The following RC3H2 variants were observed in gnomAD, a reference collection of about 807,000 sequenced individuals.
RC3H2 encodes the protein roquin-2.
In RC3H2, 31 loss-of-function variants were observed where a neutral mutation model predicts 133.3. That is an observed-to-expected ratio of 0.23 (90% CI 0.17 to 0.31). RC3H2 has a LOEUF of 0.31. Ranked by LOEUF, RC3H2 falls within the 10% of genes least tolerant of loss-of-function variation. The pLI is 1.00. For missense variants in RC3H2, 1,175 were observed against 1,437.2 expected, an observed-to-expected ratio of 0.82 and a Z score of 2.95; for synonymous variants, 517 against 502.2, an observed-to-expected ratio of 1.03 and a Z score of -0.40.
At chr9:122,892,660 G>A (rs754002917) in intron 3 of RC3H2, among the ~76,000 whole-genome samples, 3 of 152,088 alleles carry the variant, frequency 2.0e-5, no homozygotes, top group South Asian at 2.1e-4. Context: ...ATCCGCCCGC[G>A]CTGGCCTCCC....
chr9:122,846,098 T>C lies in RC3H2; in HGVS notation c.*3529A>G, dbSNP rs1175926796. The C allele has an allele frequency of 6.6e-6, 1 of 152,212 alleles. No individual in the cohort carries two copies. The highest frequency in any genetic ancestry group is 2.4e-5 in the African/African-American group (1 of 41,456). 9.4% of individuals were successfully genotyped at this position (152,212 alleles called of 1,614,324 possible). ...ATGGTTTTTAAAATAATTTTTCAAA[T>C]GTTTAAATGATCCCATTTGAAATTC... On this transcript the variant is annotated 3_prime_UTR_variant, in exon 21 of 21. Coordinates refer to ENST00000357244, the MANE Select transcript of RC3H2 (RefSeq NM_001100588.3).
In RC3H2 at chr9:122,905,329, C is replaced by T. The variant is rs1564328445; in HGVS notation, c.-287G>A. The T allele has an allele frequency of 1.0e-6, 1 of 977,528 alleles. No individual in the cohort carries two copies. Among genetic ancestry groups the T allele is most frequent in the Non-Finnish European group, 1.2e-6 (1 of 822,530 alleles). The allele number at this position is 977,528 out of a possible 1,614,324, so 60.6% of individuals were successfully genotyped here. A position where few individuals can be genotyped will look rare whatever the true frequency, so the allele number is the denominator to read the frequency against. On this transcript the variant is annotated 5_prime_UTR_variant, in exon 1 of 21. Coordinates refer to ENST00000357244, the MANE Select transcript of RC3H2 (RefSeq NM_001100588.3). ...CCACCTCCGCCTCCTCCTCCTCCTC[C>T]TCCTCACCACGGAGGCGGACCTGGA...
chr9:122,857,837 C>T (rs1178781025), intron 13 of RC3H2, 86 bp downstream of exon 13: 9 of 1,200,474 alleles, frequency 7.5e-6, no homozygotes, highest in East Asian at 4.7e-5. Flanking sequence ...AAATATCCAA[C>T]ATAGCTATTC....
At chr9:122,852,706 G>A (rs1195763191) in intron 18 of RC3H2, among the ~76,000 whole-genome samples, 1 of 149,958 alleles carries the variant, frequency 6.7e-6, no homozygotes, top group Admixed American at 6.6e-5. Flanking sequence ...CGCCCCTACT[G>A]GGAAGTGAGG....
rs1302412027 is a variant in RC3H2, at chr9:122,851,382, C to G, written c.3172G>C (p.Glu1058Gln). Residue 1058 changes from glutamate (E) to glutamine (Q), a missense_variant, in exon 19 of 21, where the codon GAG becomes CAG. Physicochemically the swap from Glu to Gln is conservative, Grantham distance 29. Coordinates refer to ENST00000357244, the MANE Select transcript of RC3H2 (RefSeq NM_001100588.3). ...ATDTKPDRDI[E>Q]LELSALDTDE... is the part of the protein sequence containing the mutation. ...GTATCAAGTGCTGAAAGCTCTAACT[C>G]GATATCCCTATCAGGTTTAGTATCT... 1 of 1,614,174 alleles carries G rather than the reference C, an allele frequency of 6.2e-7. No individual in the cohort carries two copies. Among genetic ancestry groups the G allele is most frequent in the Non-Finnish European group, 8.5e-7 (1 of 1,180,020 alleles).
chr9:122,851,273 T>A (rs375489482), intron 19 of RC3H2, 44 bp from the exon 20 acceptor site: 2 of 1,611,930 alleles, frequency 1.2e-6, no homozygotes, highest in African/African-American at 2.7e-5. Context: ...AAGTATTTTA[T>A]AAATTTTCAA....
At chr9:122,875,511 T>C in intron 9 of RC3H2, 1 of 1,231,156 alleles carries the variant, frequency 8.1e-7, no homozygotes, top group South Asian at 2.1e-5. Context: ...TGCTGAGTGG[T>C]TGTAACAGAT....
chr9:122,868,938 G>C (rs1452479953), intron 9 of RC3H2, among the ~76,000 whole-genome samples: 1 of 114,988 alleles, frequency 8.7e-6, no homozygotes, highest in Non-Finnish European at 1.7e-5. Context: ...TTCCACTCTT[G>C]TCGCCCAGGT....
Position 122,846,283 on chromosome 9 carries a change from C to T in RC3H2, c.*3344G>A, listed in dbSNP as rs774357953. 6.6e-6 allele frequency: 1 copy of T among 152,094 alleles called. No homozygotes were observed. The highest frequency in any genetic ancestry group is 1.5e-5 in the Non-Finnish European group (1 of 67,990). 9.4% of individuals were successfully genotyped at this position (152,094 alleles called of 1,614,324 possible). A position where few individuals can be genotyped will look rare whatever the true frequency, so the allele number is the denominator to read the frequency against. On this transcript the variant is annotated 3_prime_UTR_variant, in exon 21 of 21. Transcript: ENST00000357244. ...GGAAATTTCTTTTATTATCCTCTTA[C>T]TAGAATAAATAGCTATGATGGGAAG...
intron 10 of RC3H2, among the ~76,000 whole-genome samples, chr9:122,861,359 C>G (rs2792991): frequency 0.97 from 148,025 of 151,834 alleles, 72,277 homozygotes; most frequent in East Asian, 1. Flanking sequence ...GTGTGGTGGT[C>G]CATGCCTGTA....
chr9:122,886,142 G>A (rs772926753), intron 4 of RC3H2, among the ~76,000 whole-genome samples: 4 of 151,890 alleles, frequency 2.6e-5, no homozygotes, highest in South Asian at 2.1e-4. Context: ...CACCCGCCTC[G>A]GCCTCCCAAA....
rs1306112507 is a variant in RC3H2, at chr9:122,844,857, T to C, written c.*4770A>G. The C allele has an allele frequency of 6.6e-6, 1 of 152,190 alleles. No homozygotes were observed. The highest frequency in any genetic ancestry group is 2.4e-5 in the African/African-American group (1 of 41,430). 9.4% of individuals were successfully genotyped at this position (152,190 alleles called of 1,614,324 possible). On this transcript the variant is annotated 3_prime_UTR_variant, in exon 21 of 21. Coordinates refer to ENST00000357244, the MANE Select transcript of RC3H2 (RefSeq NM_001100588.3). ...ATAGCACAAAGGGAAACATTACAAT[T>C]TGGAAATTCAAATTGAAATAAATGG...
chr9:122,902,090 C>T (rs1034013368), intron 1 of RC3H2, among the ~76,000 whole-genome samples: 2 of 151,936 alleles, frequency 1.3e-5, no homozygotes, highest in African/African-American at 4.8e-5. Flanking sequence ...CCACCAGGCC[C>T]AGCTAATTTT....
chr9:122,867,615 T>C (rs1378218290), intron 9 of RC3H2, among the ~76,000 whole-genome samples: 1 of 119,498 alleles, frequency 8.4e-6, no homozygotes, highest in African/African-American at 3.2e-5. Context: ...ATCTAGGAAG[T>C]GAGGAGCGTC....
intron 4 of RC3H2, 96 bp downstream of exon 4, chr9:122,890,216 A>C (rs1185655837): frequency 2.4e-6 from 2 of 838,286 alleles, no homozygotes; most frequent in South Asian, 2.8e-5. Flanking sequence ...TGTACATATA[A>C]AGACGGGTTG....
At position 122,854,610 on chromosome 9, in the gene RC3H2, C is replaced by T; in HGVS notation, c.2821G>A (p.Val941Ile). ...GAATCAACAGCATTGACATAAGGGA[C>T]ATAATCTACAGACATGTAGAATGAA... The part of the protein sequence containing the change: ...ATKPISVSDY[V>I]PYVNAVDSRW... The change falls in exon 16 of 21, where the codon GTC (valine) becomes ATC (isoleucine). Residue 941 changes from valine (V) to isoleucine (I), a missense_variant. Around this residue, in one of 8 missense-constraint regions of RC3H2, gnomAD observed 138 missense variants for 215.0 expected, o/e 0.64. Transcript: ENST00000357244. 1 of 1,608,294 alleles carries T rather than the reference C, an allele frequency of 6.2e-7. No homozygotes were observed. Among genetic ancestry groups the T allele is most frequent in the Non-Finnish European group, 8.5e-7 (1 of 1,174,696 alleles).
intron 3 of RC3H2, among the ~76,000 whole-genome samples, chr9:122,891,069 G>A (rs1832148858): frequency 7.0e-6 from 1 of 142,970 alleles, no homozygotes; most frequent in Non-Finnish European, 1.5e-5. Flanking sequence ...GCCCAGGCTG[G>A]AGTGCAGTGG....
At chr9:122,902,746 G>T (rs1045063683) in intron 1 of RC3H2, among the ~76,000 whole-genome samples, 1 of 151,600 alleles carries the variant, frequency 6.6e-6, no homozygotes, top group African/African-American at 2.4e-5. Context: ...CAACTACTCA[G>T]GAGTCTGAGG....
At chr9:122,883,429 G>T in intron 4 of RC3H2, 50 bp from the exon 5 acceptor site, 1 of 1,438,544 alleles carries the variant, frequency 7.0e-7, no homozygotes, top group Non-Finnish European at 9.4e-7. Context: ...GAACCCATCA[G>T]ATCATGTGTG....
Sources: gnomAD v4.1 joint callset for allele counts (sites outside exome capture counted in the v4.1 genomes callset) on GRCh38, gnomAD v4.1.1 for gene constraint, gnomAD v4.1.1 regional missense constraint, MANE v1.5 for transcripts, NCBI Gene and HGNC (gene_info 2026-07-23, HGNC 2026-07-21) for gene names.